Variants in ZSWIM6 observed in about 807,000 individuals in gnomAD.
ZSWIM6 encodes the protein zinc finger SWIM-type containing 6, also known as zinc finger SWIM domain-containing protein 6.
ZSWIM6 carries 9 observed loss-of-function variants against 113.2 expected under a neutral mutation model. That is an observed-to-expected ratio of 0.08 (90% confidence interval 0.05 to 0.14). The LOEUF is 0.14. Ranked by LOEUF, ZSWIM6 falls within the 10% of genes least tolerant of loss-of-function variation. The pLI is 1.00. For synonymous variants in ZSWIM6, 611 were observed against 606.5 expected (o/e 1.01, Z -0.11); for missense variants, 1,162 against 1,552.2 (o/e 0.75, Z 4.22).
intron 1 of ZSWIM6, among the ~76,000 whole-genome samples, chr5:61,351,459 C>A (rs983148611): frequency 6.6e-6 from 1 of 152,162 alleles, no homozygotes; most frequent in South Asian, 2.1e-4. Context: ...GCACTAAGAT[C>A]TACATTCCCT....
chr5:61,372,162 A>G (rs530063518), intron 1 of ZSWIM6, among the ~76,000 whole-genome samples: 1 of 152,234 alleles, frequency 6.6e-6, no homozygotes, highest in South Asian at 2.1e-4. Flanking sequence ...AGAAATAATC[A>G]TTCGTTTCCC....
chr5:61,541,993 C>A lies in ZSWIM6; in HGVS notation c.2785+28C>A, dbSNP rs192226408. 7 of 1,532,634 alleles carry A rather than the reference C, an allele frequency of 4.6e-6. No individual in the cohort carries two copies. The African/African-American group carries it at 9.6e-5, about 21-fold the overall frequency. The allele number at this position is 1,532,634 out of a possible 1,614,324, so 94.9% of individuals were successfully genotyped here. A position where few individuals can be genotyped will look rare whatever the true frequency, so the allele number is the denominator to read the frequency against. On this transcript the variant is annotated intron_variant, in intron 13 of 13. Transcript: ENST00000252744. ...AGGTAAACTCTGGAACAGAAGCTTT[C>A]CTAGGTGCCTCATGGTAGGATTTAA...
intron 1 of ZSWIM6, among the ~76,000 whole-genome samples, chr5:61,418,979 G>A (rs1189571371): frequency 1.3e-5 from 2 of 152,190 alleles, no homozygotes; most frequent in African/African-American, 4.8e-5. Context: ...GCGCCGCCAT[G>A]CCTGGCTAAT....
intron 1 of ZSWIM6, among the ~76,000 whole-genome samples, chr5:61,436,892 A>T (rs1272302605): frequency 6.6e-6 from 1 of 152,162 alleles, no homozygotes; most frequent in Non-Finnish European, 1.5e-5. Context: ...TGATGATTTT[A>T]ATTATGTCGG....
chr5:61,537,494 G>A (rs1304471397), intron 10 of ZSWIM6, among the ~76,000 whole-genome samples: 1 of 151,856 alleles, frequency 6.6e-6, no homozygotes, highest in African/African-American at 2.4e-5. Context: ...TCCCAGGGAT[G>A]TTGATTAGTT....
chr5:61,523,210 C>A (rs374333792), intron 5 of ZSWIM6, among the ~76,000 whole-genome samples: 1 of 152,154 alleles, frequency 6.6e-6, no homozygotes, highest in East Asian at 1.9e-4. Flanking sequence ...CAGCTGGCTC[C>A]CCAGGGTAGA....
intron 1 of ZSWIM6, among the ~76,000 whole-genome samples, chr5:61,447,666 C>A (rs1253642942): frequency 3.9e-5 from 6 of 152,168 alleles, no homozygotes; most frequent in Non-Finnish European, 8.8e-5. Context: ...TGGCTTGCAG[C>A]AGCTGACCGG....
intron 1 of ZSWIM6, among the ~76,000 whole-genome samples, chr5:61,442,080 G>GA (rs1746849846): frequency 6.6e-6 from 1 of 152,136 alleles, no homozygotes; most frequent in South Asian, 2.1e-4. Flanking sequence ...TTGGTCAACA[G>GA]AAAGCAGGTG....
chr5:61,422,790 G>A (rs1746381319), intron 1 of ZSWIM6, among the ~76,000 whole-genome samples: 1 of 151,726 alleles, frequency 6.6e-6, no homozygotes, highest in South Asian at 2.1e-4. Context: ...CACTTCCTTG[G>A]TTAATTCCTA....
intron 1 of ZSWIM6, among the ~76,000 whole-genome samples, chr5:61,432,012 G>GA (rs1283047332): frequency 6.6e-6 from 1 of 152,042 alleles, no homozygotes; most frequent in African/African-American, 2.4e-5. Context: ...TCACAGAACA[G>GA]AAGCAAATAG....
chr5:61,457,548 T>A (rs1181425899), intron 1 of ZSWIM6, among the ~76,000 whole-genome samples: 1 of 151,894 alleles, frequency 6.6e-6, no homozygotes, highest in Non-Finnish European at 1.5e-5. Context: ...TGAGACAGAG[T>A]TTCACTCTTG....
In ZSWIM6 at chr5:61,539,719, A is replaced by ACAT; in HGVS notation, c.2666_2668dup (p.Ile889dup). Reference sequence around the variant, plus strand: ...GCAACTCTCATGGACAGTTTGCCAGACATCACTCTTTTGAAAGTGTCTCTG... The same window carrying ACAT: ...GCAACTCTCATGGACAGTTTGCCAGACATCATCACTCTTTTGAAAGTGTCTCTG... On this transcript the variant is annotated inframe_insertion, in exon 12 of 14. Coordinates refer to ENST00000252744, the MANE Select transcript of ZSWIM6 (RefSeq NM_020928.2). 1 of 1,551,656 alleles carries ACAT rather than the reference A, an allele frequency of 6.4e-7. No homozygotes were observed. Among genetic ancestry groups the ACAT allele is most frequent in the Non-Finnish European group, 8.7e-7 (1 of 1,146,926 alleles).
At chr5:61,351,660 T>TGTGGTGATATGG (rs1446462495) in intron 1 of ZSWIM6, among the ~76,000 whole-genome samples, 1 of 152,198 alleles carries the variant, frequency 6.6e-6, no homozygotes, top group East Asian at 1.9e-4. Context: ...CCTTGGAAAG[T>TGTGGTGATATGG]TGTGGTGATA....
intron 1 of ZSWIM6, among the ~76,000 whole-genome samples, chr5:61,385,564 T>C (rs1745577459): frequency 6.6e-6 from 1 of 152,260 alleles, no homozygotes; most frequent in Non-Finnish European, 1.5e-5. Flanking sequence ...GTTGCATTAA[T>C]TGAGATAATT....
At chr5:61,424,100 C>G (rs1255366075) in intron 1 of ZSWIM6, among the ~76,000 whole-genome samples, 1 of 152,162 alleles carries the variant, frequency 6.6e-6, no homozygotes, top group African/African-American at 2.4e-5. Flanking sequence ...GGGACAAAGA[C>G]TGTGAGGAGG....
At chr5:61,439,316 T>C (rs1746775966) in intron 1 of ZSWIM6, among the ~76,000 whole-genome samples, 1 of 152,208 alleles carries the variant, frequency 6.6e-6, no homozygotes, top group Admixed American at 6.5e-5. Flanking sequence ...ACCATTATGT[T>C]CTGGGAGCCA....
chr5:61,407,299 A>G (rs894914906), intron 1 of ZSWIM6, among the ~76,000 whole-genome samples: 5 of 152,240 alleles, frequency 3.3e-5, no homozygotes, highest in African/African-American at 1.2e-4. Context: ...ATCTAGGAAA[A>G]AAAGTACAGA....
chr5:61,431,203 C>G (rs757860652), intron 1 of ZSWIM6, among the ~76,000 whole-genome samples: 13 of 151,578 alleles, frequency 8.6e-5, no homozygotes, highest in Non-Finnish European at 1.8e-4. Flanking sequence ...AACCCTGTCT[C>G]TACTAAAATA....
At chr5:61,410,218 C>T (rs1325295569) in intron 1 of ZSWIM6, among the ~76,000 whole-genome samples, 3 of 151,988 alleles carry the variant, frequency 2.0e-5, no homozygotes, top group African/African-American at 7.3e-5. Flanking sequence ...TAAATTACCC[C>T]GGTACTCTAG....
Sources: gnomAD v4.1 joint callset for allele counts (sites outside exome capture counted in the v4.1 genomes callset) on GRCh38, gnomAD v4.1.1 for gene constraint, MANE v1.5 for transcripts, NCBI Gene and HGNC (gene_info 2026-07-23, HGNC 2026-07-21) for gene names.